The following NKAIN3 variants were observed in gnomAD, a reference collection of about 807,000 sequenced individuals.
The protein encoded by NKAIN3 is sodium/potassium transporting ATPase interacting 3.
In NKAIN3, 25 loss-of-function variants were observed where a neutral mutation model predicts 30.2. The ratio of observed to expected loss-of-function variants is 0.83; its 90% CI spans 0.60 to 1.16. The LOEUF is 1.16. Ranked by LOEUF, NKAIN3 falls within the 50% of genes most tolerant of loss-of-function variation. The pLI is 0.00. For synonymous variants in NKAIN3, 91 were observed against 89.6 expected (o/e 1.02, Z -0.09); for missense variants, 225 against 254.1 (o/e 0.89, Z 0.78).
intron 1 of NKAIN3, among the ~76,000 whole-genome samples, chr8:62,514,583 T>C (rs1807922497): frequency 6.6e-6 from 1 of 152,156 alleles, no homozygotes; most frequent in African/African-American, 2.4e-5. Flanking sequence ...AGTTACACAC[T>C]TAAATGTAGG....
chr8:62,510,234 A>C (rs1194415798), intron 1 of NKAIN3, among the ~76,000 whole-genome samples: 4 of 152,186 alleles, frequency 2.6e-5, no homozygotes, highest in Non-Finnish European at 5.9e-5. Flanking sequence ...AAATGCTTGC[A>C]GGTGAAAGGA....
At chr8:62,297,219 C>G (rs1813859615) in intron 1 of NKAIN3, among the ~76,000 whole-genome samples, 1 of 152,116 alleles carries the variant, frequency 6.6e-6, no homozygotes, top group African/African-American at 2.4e-5. Flanking sequence ...CATAAAAACC[C>G]TAGAAGAAAA....
chr8:62,494,380 C>A (rs1807168409), intron 1 of NKAIN3, among the ~76,000 whole-genome samples: 1 of 152,144 alleles, frequency 6.6e-6, no homozygotes, highest in South Asian at 2.1e-4. Flanking sequence ...CCTACTTGAT[C>A]ATGGTGGATT....
chr8:62,590,068 C>T (rs1810606377), intron 3 of NKAIN3, among the ~76,000 whole-genome samples: 1 of 151,538 alleles, frequency 6.6e-6, no homozygotes, highest in African/African-American at 2.4e-5. Flanking sequence ...AGTGTATCCT[C>T]ATGTCCATTT....
chr8:62,275,166 G>A (rs1204656729), intron 1 of NKAIN3, among the ~76,000 whole-genome samples: 13 of 152,024 alleles, frequency 8.6e-5, no homozygotes, highest in East Asian at 5.8e-4. Flanking sequence ...CTGAGGAATC[G>A]CCACACTGAC....
chr8:62,906,441 A>G (rs892983765), intron 4 of NKAIN3, among the ~76,000 whole-genome samples: 5 of 152,164 alleles, frequency 3.3e-5, no homozygotes, highest in East Asian at 3.9e-4. Context: ...TTGGTGAAGG[A>G]TTTCAGAGAG....
chr8:62,399,999 A>T (rs1817884949), intron 1 of NKAIN3, among the ~76,000 whole-genome samples: 1 of 151,984 alleles, frequency 6.6e-6, no homozygotes, highest in South Asian at 2.1e-4. Context: ...CTGAACATAG[A>T]GGGGCTAGGA....
chr8:62,261,962 T>G (rs1290863826), intron 1 of NKAIN3, among the ~76,000 whole-genome samples: 2 of 152,304 alleles, frequency 1.3e-5, no homozygotes, highest in South Asian at 2.1e-4. Flanking sequence ...ATGAGAAATG[T>G]AGAAATGCAG....
intron 3 of NKAIN3, among the ~76,000 whole-genome samples, chr8:62,616,269 A>C (rs948054996): frequency 2.0e-5 from 3 of 152,086 alleles, no homozygotes; most frequent in Admixed American, 6.5e-5. Context: ...CCACAAGACT[A>C]CGCCTACATC....
chr8:62,524,112 T>C (rs1808232091), intron 1 of NKAIN3, among the ~76,000 whole-genome samples: 1 of 151,970 alleles, frequency 6.6e-6, no homozygotes, highest in African/African-American at 2.4e-5. Flanking sequence ...TTTATGTTAA[T>C]GGCATTGATA....
chr8:62,446,738 G>C (rs867329380), intron 1 of NKAIN3, among the ~76,000 whole-genome samples: 11 of 151,836 alleles, frequency 7.2e-5, no homozygotes, highest in South Asian at 4.1e-4. Flanking sequence ...CTTGTGCCTG[G>C]CATATTTTAT....
intron 4 of NKAIN3, among the ~76,000 whole-genome samples, chr8:62,808,286 C>A (rs903558251): frequency 1.3e-5 from 2 of 152,142 alleles, no homozygotes; most frequent in African/African-American, 4.8e-5. Flanking sequence ...AACTTGTGAA[C>A]TCTTTAGTAG....
intron 3 of NKAIN3, among the ~76,000 whole-genome samples, chr8:62,611,488 C>T (rs1811288280): frequency 6.6e-6 from 1 of 152,110 alleles, no homozygotes; most frequent in South Asian, 2.1e-4. Flanking sequence ...CTTTCTATGT[C>T]CATATATTCA....
intron 1 of NKAIN3, among the ~76,000 whole-genome samples, chr8:62,401,566 GA>G (rs1215695041): frequency 1.3e-5 from 2 of 152,112 alleles, no homozygotes; most frequent in Non-Finnish European, 2.9e-5. Context: ...TTCTTCTTGG[GA>G]AGGCTCTCCA....
intron 3 of NKAIN3, among the ~76,000 whole-genome samples, chr8:62,601,860 G>A (rs756327097): frequency 1.3e-5 from 2 of 152,010 alleles, no homozygotes; most frequent in Non-Finnish European, 2.9e-5. Flanking sequence ...TTTAAGCTAC[G>A]TCTTTTCCTT....
chr8:62,740,928 T>C (rs2199837), intron 3 of NKAIN3, among the ~76,000 whole-genome samples: 26,172 of 151,822 alleles, frequency 0.17, 2,435 homozygotes, highest in East Asian at 0.32. Flanking sequence ...ATATAAGGTA[T>C]ACCTCACACA....
chr8:62,759,541 T>TATC (rs1051954825), intron 4 of NKAIN3, among the ~76,000 whole-genome samples: 8 of 152,132 alleles, frequency 5.3e-5, no homozygotes, highest in African/African-American at 1.9e-4. Flanking sequence ...TAGAGAGACT[T>TATC]ATCAGACGGA....
At chr8:62,902,350 T>C (rs558810508) in intron 4 of NKAIN3, among the ~76,000 whole-genome samples, 1 of 152,248 alleles carries the variant, frequency 6.6e-6, no homozygotes, top group African/African-American at 2.4e-5. Context: ...TAGCTCAAGA[T>C]GGGAATGTGG....
Position 62,983,380 on chromosome 8 carries a change from T to C in NKAIN3, c.*17973T>C, listed in dbSNP as rs1824127316. The C allele has an allele frequency of 6.6e-6, 1 of 152,122 alleles. No homozygotes were observed. Among genetic ancestry groups the C allele is most frequent in the African/African-American group, 2.4e-5 (1 of 41,408 alleles). The allele number at this position is 152,122 out of a possible 1,614,324, so 9.4% of individuals were successfully genotyped here. ...TAGGAGGTGCCAGTGCTTTTCTTCT[T>C]CCAGTTTCAGAGCCCCAGCGATCCC... On this transcript the variant is annotated 3_prime_UTR_variant, in exon 7 of 7. Transcript: ENST00000623646.
Sources: gnomAD v4.1 joint callset for allele counts (sites outside exome capture counted in the v4.1 genomes callset) on GRCh38, gnomAD v4.1.1 for gene constraint, MANE v1.5 for transcripts, NCBI Gene and HGNC (gene_info 2026-07-23, HGNC 2026-07-21) for gene names.